PPFIA2: variants seen among roughly 807,000 people sequenced by gnomAD.
The protein encoded by PPFIA2 is liprin-alpha-2.
PPFIA2 carries 46 observed loss-of-function variants against 175.5 expected under a neutral mutation model. The observed-to-expected ratio is 0.26, with a 90% CI of 0.21 to 0.34. The LOEUF is 0.34. Ranked by LOEUF, PPFIA2 falls within the 10% of genes least tolerant of loss-of-function variation. The pLI, the probability that PPFIA2 is intolerant of heterozygous loss-of-function variation, is 1.00. For synonymous variants in PPFIA2, 568 were observed against 511.4 expected (o/e 1.11, Z -1.49); for missense variants, 1,179 against 1,506.1 (o/e 0.78, Z 3.60).
intron 4 of PPFIA2, among the ~76,000 whole-genome samples, chr12:81,614,816 T>C (rs550950833): frequency 6.6e-6 from 1 of 152,154 alleles, no homozygotes; most frequent in Admixed American, 6.5e-5. Context: ...TCTTCTAGAA[T>C]AGTAATAATA....
intron 3 of PPFIA2, among the ~76,000 whole-genome samples, chr12:81,710,861 T>C (rs2077809002): frequency 6.6e-6 from 1 of 151,394 alleles, no homozygotes; most frequent in African/African-American, 2.4e-5. Flanking sequence ...ATTTCAGAAT[T>C]GCACATTAGC....
rs187110431 is a variant in PPFIA2 at position 81,641,451 on chromosome 12, C to T, written c.303+35340G>A. On this transcript the variant is annotated intron_variant, in intron 4 of 32. Transcript: ENST00000549396. ...ACGCACACCTTGAATCTAACCTGTC[C>T]GGTGATTGACTGTGGCCCAAAGAAT... Among the ~76,000 whole-genome samples the T allele has an allele frequency of 5.2e-3, 794 of 152,184 alleles. 21 individuals carry two copies. Among genetic ancestry groups the T allele is most frequent in the Non-Finnish European group, 1.5e-3 (102 of 68,004 alleles).
intron 4 of PPFIA2, among the ~76,000 whole-genome samples, chr12:81,488,351 TG>T (rs144444351): frequency 6.6e-6 from 1 of 151,780 alleles, no homozygotes; most frequent in African/African-American, 2.4e-5. Context: ...TTGCCATTTT[TG>T]GGAGGTTTTC....
At chr12:81,531,782 G>T (rs2064603596) in intron 4 of PPFIA2, among the ~76,000 whole-genome samples, 1 of 151,636 alleles carries the variant, frequency 6.6e-6, no homozygotes, top group East Asian at 1.9e-4. Context: ...CACAGGTAAG[G>T]TACCCTTGAC....
chr12:81,443,763 T>G (rs1426737777), intron 6 of PPFIA2, among the ~76,000 whole-genome samples: 1 of 151,508 alleles, frequency 6.6e-6, no homozygotes, highest in African/African-American at 2.4e-5. Flanking sequence ...ATTTTCTGTG[T>G]GGGTCCTGCT....
intron 9 of PPFIA2, among the ~76,000 whole-genome samples, chr12:81,383,469 T>C (rs1318815270): frequency 6.6e-6 from 1 of 152,110 alleles, no homozygotes; most frequent in African/African-American, 2.4e-5. Context: ...CTCTCTTCAC[T>C]TGATATTAGC....
intron 22 of PPFIA2, among the ~76,000 whole-genome samples, chr12:81,311,843 G>A: frequency 6.6e-6 from 1 of 152,002 alleles, no homozygotes. Context: ...CTTGAGCCTG[G>A]CTGCTTGCCA....
intron 3 of PPFIA2, among the ~76,000 whole-genome samples, chr12:81,730,424 ACTT>A (rs1330843290): frequency 7.3e-5 from 11 of 151,610 alleles, no homozygotes; most frequent in African/African-American, 1.7e-4. Flanking sequence ...GAAGCAGGTA[ACTT>A]CTTCACAGGT....
intron 4 of PPFIA2, among the ~76,000 whole-genome samples, chr12:81,646,606 C>G (rs1249051447): frequency 6.6e-6 from 1 of 152,096 alleles, no homozygotes; most frequent in African/African-American, 2.4e-5. Flanking sequence ...TTTGACAAAC[C>G]CTCTGACATT....
At chr12:81,756,587 A>G (rs1445709791) in intron 2 of PPFIA2, among the ~76,000 whole-genome samples, 1 of 152,096 alleles carries the variant, frequency 6.6e-6, no homozygotes, top group Non-Finnish European at 1.5e-5. Flanking sequence ...TTCCACTCCT[A>G]AGGCAGGTGA....
Position 81,439,276 on chromosome 12 carries a change from A to AAT in PPFIA2, c.645+694_645+695dup, listed in dbSNP as rs375655616. Among the ~76,000 whole-genome samples the AAT allele has an allele frequency of 4.1e-3, 601 of 147,984 alleles. 4 individuals are homozygous for AAT. The highest frequency in any genetic ancestry group is 4.3e-3 in the Non-Finnish European group (286 of 66,896). On this transcript the variant is annotated intron_variant, in intron 7 of 32. Transcript: ENST00000549396. ...AGACTATAATAATACTTCAGGGATA[A>AAT]ATATATATATATATAGTTTTATATC...
At chr12:81,528,320 A>G (rs570471026) in intron 4 of PPFIA2, among the ~76,000 whole-genome samples, 4 of 152,092 alleles carry the variant, frequency 2.6e-5, no homozygotes, top group African/African-American at 9.7e-5. Context: ...CAACAAAATG[A>G]TTAGGTAAAA....
rs758889670 is a variant in PPFIA2 at position 81,642,840 on chromosome 12, CATACATAT to C, written c.303+33943_303+33950del. On this transcript the variant is annotated intron_variant, in intron 4 of 32. Transcript: ENST00000549396. ...TACATGTATATGTATGTATGTATTA[CATACATAT>C]ATAACATGTATTACATATGTGTTGT... Among the ~76,000 whole-genome samples, 378 of 128,530 alleles carry C rather than the reference CATACATAT, an allele frequency of 2.9e-3. 22 individuals are homozygous for C. The highest frequency in any genetic ancestry group is 0.011 in the Middle Eastern group (1 of 88). The allele number at this position is 128,530 out of a possible 152,430, so 84.3% of individuals were successfully genotyped here. A position where few individuals can be genotyped will look rare whatever the true frequency, so the allele number is the denominator to read the frequency against.
intron 4 of PPFIA2, among the ~76,000 whole-genome samples, chr12:81,631,816 T>C (rs2063422068): frequency 6.6e-6 from 1 of 152,226 alleles, no homozygotes; most frequent in African/African-American, 2.4e-5. Context: ...TATAAAGTGA[T>C]AGTAATCATC....
At chr12:81,536,713 T>C (rs1186486241) in intron 4 of PPFIA2, among the ~76,000 whole-genome samples, 6 of 139,914 alleles carry the variant, frequency 4.3e-5, no homozygotes, top group Non-Finnish European at 9.2e-5. Context: ...TAGCATGTAA[T>C]ATACATATAT....
intron 4 of PPFIA2, among the ~76,000 whole-genome samples, chr12:81,541,416 C>A (rs1476630611): frequency 6.6e-6 from 1 of 151,950 alleles, no homozygotes; most frequent in African/African-American, 2.4e-5. Flanking sequence ...CATAAGAAGG[C>A]CTCATGAGAG....
intron 3 of PPFIA2, among the ~76,000 whole-genome samples, chr12:81,678,632 C>T (rs1046593411): frequency 4.0e-5 from 6 of 151,664 alleles, no homozygotes; most frequent in Non-Finnish European, 8.8e-5. Context: ...CTACTCCTTC[C>T]CCTCTCCCAT....
In PPFIA2 at chr12:81,312,242, GAAAACCATGGAATA is replaced by G. The variant is rs1270493222; in HGVS notation, c.2643-12874_2643-12861del. ...GTTAATGGATACAGTTCAATCCAAAGAAAACCATGGAATAAAACAAGAGCATTATTTAAGATGTG... is the reference window on the plus strand; with the variant it reads ...GTTAATGGATACAGTTCAATCCAAAGAAACAAGAGCATTATTTAAGATGTG... On this transcript the variant is annotated intron_variant, in intron 22 of 32. Coordinates refer to ENST00000549396, the MANE Select transcript of PPFIA2 (RefSeq NM_003625.5). The G allele has an allele frequency of 8.3e-6, 11 of 1,330,520 alleles. No homozygotes were observed. In the African/African-American group the frequency reaches 1.5e-4, roughly 18 times the overall value. 82.4% of individuals were successfully genotyped at this position (1,330,520 alleles called of 1,614,324 possible).
intron 4 of PPFIA2, among the ~76,000 whole-genome samples, chr12:81,658,354 A>C (rs1195163351): frequency 6.6e-6 from 1 of 151,888 alleles, no homozygotes; most frequent in Non-Finnish European, 1.5e-5. Flanking sequence ...AAGGGTCAAT[A>C]TTTTTTATTT....
Sources: allele counts gnomAD v4.1 joint callset (sites outside exome capture counted in the v4.1 genomes callset), GRCh38; gene constraint gnomAD v4.1.1; transcripts MANE v1.5; gene names NCBI Gene and HGNC (gene_info 2026-07-23, HGNC 2026-07-21).